Variants in PATJ observed in about 807,000 individuals in gnomAD.
The protein encoded by PATJ is PATJ crumbs cell polarity complex component.
Under a neutral mutation model 224.9 loss-of-function variants are expected in PATJ, and 190 were observed. The ratio of observed to expected loss-of-function variants is 0.84; its 90% CI spans 0.75 to 0.95. PATJ has a LOEUF of 0.95. Ranked by LOEUF, PATJ falls within the 40% of genes least tolerant of loss-of-function variation. The probability of loss-of-function intolerance (pLI) is 0.00; values close to 1 mark genes in which losing one functional copy is unlikely to be tolerated. For missense variants in PATJ, 2,121 were observed against 2,270.3 expected, an observed-to-expected ratio of 0.93 and a Z score of 1.34; for synonymous variants, 769 against 820.3, an observed-to-expected ratio of 0.94 and a Z score of 1.07.
Position 62,153,214 on chromosome 1 carries a change from T to C in PATJ, c.5379-144T>C, listed in dbSNP as rs369797305. 571 of 476,714 alleles carry C rather than the reference T, an allele frequency of 1.2e-3. 3 individuals carry two copies. Among genetic ancestry groups the C allele is most frequent in the African/African-American group, 0.011 (528 of 50,046 alleles). The allele number at this position is 476,714 out of a possible 1,614,324, so 29.5% of individuals were successfully genotyped here. ...AGAAGTTAGAAAATAACTTTCTAGATTGCTTTCTGAGAGTTTGATCTGATA... is the reference window on the plus strand; with the variant it reads ...AGAAGTTAGAAAATAACTTTCTAGACTGCTTTCTGAGAGTTTGATCTGATA... On this transcript the variant is annotated intron_variant, in intron 42 of 43. Transcript: ENST00000642238.
rs142939129 is a variant in PATJ at position 61,799,897 on chromosome 1, T to C, written c.1403-1726T>C. On this transcript the variant is annotated intron_variant, in intron 11 of 43. Coordinates refer to ENST00000642238, the MANE Select transcript of PATJ (RefSeq NM_001350145.3). ...CAAAACAAAACATAATTTCATTCTT[T>C]TTATGCCTGTATAGTAGTCCATGAA... is the stretch of plus-strand genomic sequence containing the variant. Among the ~76,000 whole-genome samples the C allele has an allele frequency of 7.5e-3, 1,143 of 152,316 alleles. 17 individuals carry two copies. The highest frequency in any genetic ancestry group is 0.026 in the African/African-American group (1,071 of 41,562).
intron 29 of PATJ, among the ~76,000 whole-genome samples, chr1:62,035,974 G>A (rs574469183): frequency 7.2e-5 from 11 of 152,066 alleles, no homozygotes; most frequent in Admixed American, 2.6e-4. Context: ...ACCCTGAGGC[G>A]GGTAGATCTC....
chr1:61,786,307 C>T (rs1384798445), intron 7 of PATJ, among the ~76,000 whole-genome samples: 3 of 152,158 alleles, frequency 2.0e-5, no homozygotes, highest in Non-Finnish European at 2.9e-5. Context: ...CAGGTGTGAG[C>T]CACTGTGCTG....
At chr1:61,813,579 C>T (rs1179322417) in intron 14 of PATJ, among the ~76,000 whole-genome samples, 1 of 151,454 alleles carries the variant, frequency 6.6e-6, no homozygotes, top group Non-Finnish European at 1.5e-5. Flanking sequence ...TGCTCGGGTT[C>T]CAGAAGAGAA....
At chr1:61,786,251 G>A (rs1477239998) in intron 7 of PATJ, among the ~76,000 whole-genome samples, 2 of 152,028 alleles carry the variant, frequency 1.3e-5, no homozygotes, top group South Asian at 4.1e-4. Context: ...CGAACTCCTG[G>A]CCTCAAGTGA....
intron 14 of PATJ, among the ~76,000 whole-genome samples, chr1:61,813,378 TACACACACACACAC>T (rs141533164): frequency 2.2e-5 from 1 of 46,356 alleles, no homozygotes; most frequent in South Asian, 8.4e-4. Context: ...TATATATATA[TACACACACACACAC>T]ACACACATAC....
chr1:62,106,581 ATTTCT>A (rs1663079840), intron 33 of PATJ, among the ~76,000 whole-genome samples: 1 of 152,012 alleles, frequency 6.6e-6, no homozygotes, highest in African/African-American at 2.4e-5. Context: ...AGAAATATTC[ATTTCT>A]TTACTTCATA....
At chr1:61,819,398 C>T (rs1285354100) in intron 14 of PATJ, among the ~76,000 whole-genome samples, 1 of 152,072 alleles carries the variant, frequency 6.6e-6, no homozygotes, top group African/African-American at 2.4e-5. Context: ...TTTGCTTTGT[C>T]TACTTACCTT....
intron 28 of PATJ, chr1:62,013,532 G>A: frequency 3.1e-6 from 3 of 982,814 alleles, no homozygotes; most frequent in Non-Finnish European, 3.6e-6. Flanking sequence ...CAGTTCAGTA[G>A]GTGTTGCGTG....
chr1:61,838,159 G>C (rs370312123), intron 17 of PATJ, among the ~76,000 whole-genome samples: 2 of 152,234 alleles, frequency 1.3e-5, no homozygotes, highest in East Asian at 3.9e-4. Context: ...GCTATTATTT[G>C]AACAGAGGTA....
At chr1:61,906,148 T>C (rs1671825459) in intron 24 of PATJ, among the ~76,000 whole-genome samples, 1 of 152,142 alleles carries the variant, frequency 6.6e-6, no homozygotes, top group African/African-American at 2.4e-5. Flanking sequence ...ATACAAAGGT[T>C]ATAGATGGAC....
chr1:61,883,885 T>G, intron 21 of PATJ, among the ~76,000 whole-genome samples: 1 of 147,406 alleles, frequency 6.8e-6, no homozygotes, highest in Non-Finnish European at 1.5e-5. Context: ...TTTAAATCAG[T>G]GAAATGTCAG....
chr1:61,915,732 C>T (rs1334088441), intron 26 of PATJ, among the ~76,000 whole-genome samples: 2 of 148,526 alleles, frequency 1.3e-5, no homozygotes, highest in Non-Finnish European at 3.0e-5. Flanking sequence ...GAGTCTTGCT[C>T]AGTCGCCAGG....
intron 20 of PATJ, among the ~76,000 whole-genome samples, chr1:61,871,203 TATTTA>T (rs1440062210): frequency 3.4e-5 from 5 of 148,312 alleles, no homozygotes; most frequent in Non-Finnish European, 5.9e-5. Flanking sequence ...AATTCTTGTT[TATTTA>T]ATTTATTTTT....
chr1:62,132,019 T>C (rs191143376), intron 41 of PATJ, among the ~76,000 whole-genome samples: 3,457 of 152,106 alleles, frequency 0.023, 61 homozygotes, highest in Non-Finnish European at 0.031. Flanking sequence ...TGGCTAATTT[T>C]ATATTTTCAG....
At chr1:62,067,605 G>A (rs1309864131) in intron 31 of PATJ, among the ~76,000 whole-genome samples, 2 of 152,174 alleles carry the variant, frequency 1.3e-5, no homozygotes, top group African/African-American at 4.8e-5. Context: ...CAAGGACAGT[G>A]AGGTGGTCAA....
At chr1:61,972,594 A>G (rs1683134266) in intron 27 of PATJ, among the ~76,000 whole-genome samples, 1 of 152,082 alleles carries the variant, frequency 6.6e-6, no homozygotes, top group Non-Finnish European at 1.5e-5. Context: ...TGTAATTAAA[A>G]TTGGTTTGCG....
Position 61,772,874 on chromosome 1 carries a change from C to G in PATJ, c.720+1248C>G, listed in dbSNP as rs151165571. ...GTTATGAGGCTTGAATGAGAAGGCA[C>G]GTGAAGAACTAAGCACTGTGCCTGG... On this transcript the variant is annotated intron_variant, in intron 6 of 43. Transcript: ENST00000642238. Among the ~76,000 whole-genome samples the G allele has an allele frequency of 3.9e-5, 6 of 152,194 alleles. No homozygotes were observed. The East Asian group carries it at 7.7e-4, about 20-fold the overall frequency.
chr1:61,744,026 T>C (rs567355793), intron 1 of PATJ, among the ~76,000 whole-genome samples: 86 of 152,202 alleles, frequency 5.7e-4, no homozygotes, highest in African/African-American at 1.9e-3. Flanking sequence ...ATGGAGAGCA[T>C]CTTATCAGGC....
Sources: allele counts gnomAD v4.1 joint callset (sites outside exome capture counted in the v4.1 genomes callset), GRCh38; gene constraint gnomAD v4.1.1; transcripts MANE v1.5; gene names NCBI Gene and HGNC (gene_info 2026-07-23, HGNC 2026-07-21).